Variants in IK observed in about 807,000 individuals in gnomAD.
IK encodes the protein IK cytokine, also known as protein Red.
Under a neutral mutation model 90.9 loss-of-function variants are expected in IK, and 47 were observed. The observed-to-expected ratio is 0.52, with a 90% CI of 0.41 to 0.66. The LOEUF (loss-of-function observed/expected upper bound fraction) is 0.66, where lower values mean the gene tolerates loss of function less well. IK is among the 30% of genes least tolerant of loss of function. IK has a pLI of 0.00. For missense variants in IK, 385 were observed against 709.3 expected (o/e 0.54, Z 5.19); for synonymous variants, 201 against 227.5 (o/e 0.88, Z 1.05).
chr5:140,651,817 G>C lies in IK; in HGVS notation c.176+11G>C, dbSNP rs767271386. On this transcript the variant is annotated intron_variant, in intron 3 of 19. Transcript: ENST00000417647. Reference sequence around the variant, plus strand: ...GTCACGTCACCATGAGTAAGTCTTTGGGTGATCCAACCTGTCTCCCAACTT... The same window carrying C: ...GTCACGTCACCATGAGTAAGTCTTTCGGTGATCCAACCTGTCTCCCAACTT... The C allele has an allele frequency of 1.3e-6, 2 of 1,545,514 alleles. No individual in the cohort carries two copies. The highest frequency in any genetic ancestry group is 2.2e-5 in the South Asian group (2 of 89,280).
intron 10 of IK, among the ~76,000 whole-genome samples, chr5:140,658,360 C>G (rs1189334895): frequency 6.6e-6 from 1 of 151,900 alleles, no homozygotes; most frequent in Non-Finnish European, 1.5e-5. Context: ...TTTTGTCGCC[C>G]AGGCTGGAGT....
Position 140,661,591 on chromosome 5 carries a change from C to T in IK, c.1414-29C>T, listed in dbSNP as rs1414270663. 2.7e-6 allele frequency: 4 copies of T among 1,502,928 alleles called. No individual in the cohort carries two copies. Among genetic ancestry groups the T allele is most frequent in the Non-Finnish European group, 3.7e-6 (4 of 1,093,310 alleles). The allele number at this position is 1,502,928 out of a possible 1,614,324, so 93.1% of individuals were successfully genotyped here. A position where few individuals can be genotyped will look rare whatever the true frequency, so the allele number is the denominator to read the frequency against. On this transcript the variant is annotated intron_variant, in intron 16 of 19. Coordinates refer to ENST00000417647, the MANE Select transcript of IK (RefSeq NM_006083.4). The surrounding 1 kb of genome is among the most constrained non-coding windows in gnomAD (Gnocchi z 4.2). ...CCATTTCCACTGACATCTCTTCCTT[C>T]CCCATCCCCCGATTCTGTCCTGCAA...
chr5:140,650,128 AC>A (rs1472243419), intron 2 of IK, among the ~76,000 whole-genome samples: 2 of 151,856 alleles, frequency 1.3e-5, no homozygotes, highest in African/African-American at 4.8e-5. Flanking sequence ...CCACCGCTCC[AC>A]CCCCATACCT....
intron 8 of IK, among the ~76,000 whole-genome samples, chr5:140,655,013 G>A (rs1320228958): frequency 6.6e-6 from 1 of 151,688 alleles, no homozygotes; most frequent in African/African-American, 2.4e-5. Flanking sequence ...GGGGTTCTCT[G>A]TGTATTGCCC....
chr5:140,660,982 C>T, intron 16 of IK, 167 bp downstream of exon 16: 1 of 556,926 alleles, frequency 1.8e-6, no homozygotes, highest in East Asian at 2.9e-5. Flanking sequence ...TTAACTATTT[C>T]AGAGTCTTTG....
Position 140,652,079 on chromosome 5 carries a change from C to A in IK, c.177-9C>A. On this transcript the variant is annotated splice_polypyrimidine_tract_variant and intron_variant, in intron 3 of 19. Coordinates refer to ENST00000417647, the MANE Select transcript of IK (RefSeq NM_006083.4). ...ATTTTGCTATCAGTGAATTTCTCGTCTCTTCTAGGATGCCAAGGGAGTACA... is the reference window on the plus strand; with the variant it reads ...ATTTTGCTATCAGTGAATTTCTCGTATCTTCTAGGATGCCAAGGGAGTACA... The A allele has an allele frequency of 6.2e-7, 1 of 1,611,550 alleles. No homozygotes were observed. The highest frequency in any genetic ancestry group is 8.5e-7 in the Non-Finnish European group (1 of 1,177,862).
Position 140,662,340 on chromosome 5 carries a change from C to A in IK, c.*11C>A. The A allele has an allele frequency of 6.2e-7, 1 of 1,613,256 alleles. No homozygotes were observed. ...AGACCAAAATACTAATCACTAGTTA[C>A]AACCAGAGATGCTCCACAAGGATAT... is the stretch of plus-strand genomic sequence containing the variant. On this transcript the variant is annotated 3_prime_UTR_variant, in exon 20 of 20. Transcript: ENST00000417647.
Position 140,659,221 on chromosome 5 carries a change from G to A in IK, c.1176+57G>A, listed in dbSNP as rs1480215526. 3 of 1,608,514 alleles carry A rather than the reference G, an allele frequency of 1.9e-6. No homozygotes were observed. The East Asian group carries it at 6.7e-5, about 36-fold the overall frequency. ...GAGTTGCCCCTCTCTGGAAATGTGA[G>A]CAAGGTTGGGTAAGGAATTGTTTCA... is the stretch of plus-strand genomic sequence containing the variant. On this transcript the variant is annotated intron_variant, in intron 12 of 19. Transcript: ENST00000417647.
intron 4 of IK, among the ~76,000 whole-genome samples, 171 bp from the exon 5 acceptor site, chr5:140,652,806 G>C (rs1039525845): frequency 6.6e-6 from 1 of 152,182 alleles, no homozygotes; most frequent in African/African-American, 2.4e-5. Flanking sequence ...AGAAGTTGTA[G>C]TTCTGATTTT....
intron 3 of IK, 72 bp downstream of exon 3, chr5:140,651,878 G>C (rs1757622029): frequency 2.9e-6 from 3 of 1,045,796 alleles, no homozygotes; most frequent in Non-Finnish European, 4.5e-6. Flanking sequence ...CTACTAAGTA[G>C]AATGACTTTT....
intron 1 of IK, 116 bp downstream of exon 1, chr5:140,648,040 G>GTA (rs780978888): frequency 5.2e-6 from 4 of 763,154 alleles, no homozygotes; most frequent in Admixed American, 2.3e-5. Context: ...GTGTGTGTGT[G>GTA]TGTGTATGTA....
intron 10 of IK, among the ~76,000 whole-genome samples, chr5:140,658,169 C>A (rs143144180): frequency 6.6e-6 from 1 of 151,990 alleles, no homozygotes; most frequent in Admixed American, 6.6e-5. Flanking sequence ...CCACGCCTGG[C>A]TAATTTTTGT....
rs1161213175 is a variant in IK, at chr5:140,657,554, G to T, written c.802G>T (p.Ala268Ser). ...CATTCTTGTTTCTTGGTATTTTCAG[G>T]CCCAGACCACACTGACCACAAATGA... ...RSKADCPTME[A>S]QTTLTTNDIV... is the part of the protein sequence containing the mutation. Residue 268 changes from alanine (A) to serine (S), a missense_variant and splice_region_variant, in exon 10 of 20, where the codon GCC (alanine) becomes TCC (serine). Transcript: ENST00000417647. 1 of 1,601,204 alleles carries T rather than the reference G, an allele frequency of 6.2e-7. No individual in the cohort carries two copies. Among genetic ancestry groups the T allele is most frequent in the Admixed American group, 1.8e-5 (1 of 56,518 alleles).
rs774304232 is a variant in IK at position 140,659,351 on chromosome 5, C to T, written c.1195+18C>T. 1.9e-6 allele frequency: 3 copies of T among 1,613,818 alleles called. No homozygotes were observed. Among genetic ancestry groups the T allele is most frequent in the South Asian group, 2.2e-5 (2 of 91,090 alleles). On this transcript the variant is annotated intron_variant, in intron 13 of 19. Coordinates refer to ENST00000417647, the MANE Select transcript of IK (RefSeq NM_006083.4). The stretch of plus-strand genomic sequence containing the variant: ...TGACAAAGGTGAGTTGTACACACAG[C>T]ATCTCACAGTTGCTCTAGCAGTCCT...
At chr5:140,659,375 C>G (rs753056017) in intron 13 of IK, 42 bp downstream of exon 13, 62 of 1,610,522 alleles carry the variant, frequency 3.8e-5, no homozygotes, top group Admixed American at 5.0e-5. Context: ...TCTAGCAGTC[C>G]TGCTTTCCCC....
chr5:140,648,568 G>A, intron 2 of IK, 31 bp downstream of exon 2: 1 of 1,593,188 alleles, frequency 6.3e-7, no homozygotes, highest in Non-Finnish European at 8.6e-7. Flanking sequence ...CCATGGAAAT[G>A]AGTTGGGCAA....
chr5:140,660,869 A>G (rs375831958), intron 16 of IK, 54 bp downstream of exon 16: 89 of 1,348,864 alleles, frequency 6.6e-5, no homozygotes, highest in Admixed American at 4.2e-4. Flanking sequence ...TTTGTTTTAC[A>G]TGTATCTCCT....
At position 140,659,030 on chromosome 5, in the gene IK, C is replaced by T. The variant is rs773175710; in HGVS notation, c.1042C>T (p.Arg348Trp). 1.8e-4 allele frequency: 284 copies of T among 1,612,100 alleles called. No individual in the cohort carries two copies. The highest frequency in any genetic ancestry group is 2.3e-4 in the Non-Finnish European group (273 of 1,178,498). The change falls in exon 12 of 20, where the codon CGG (arginine) becomes TGG (tryptophan). Residue 348 changes from arginine (R) to tryptophan (W), a missense_variant. Arg to Trp is a moderately radical substitution (Grantham distance 101). Coordinates refer to ENST00000417647, the MANE Select transcript of IK (RefSeq NM_006083.4). ...RERYRERERD[R>W]ERDRDRDRER... ...GAGATATCGGGAACGGGAGCGTGAT[C>T]GGGAAAGAGACAGAGACCGTGACCG...
rs1386837407 is a variant in IK, at chr5:140,658,780, T to C, written c.950+4T>C. The C allele has an allele frequency of 5.0e-6, 8 of 1,611,298 alleles. No individual in the cohort carries two copies. The highest frequency in any genetic ancestry group is 5.9e-6 in the Non-Finnish European group (7 of 1,178,352). On this transcript the variant is annotated splice_donor_region_variant and intron_variant, in intron 11 of 19. Transcript: ENST00000417647. The stretch of plus-strand genomic sequence containing the variant: ...AACCTCCTGAGGCTGACATGAAGTA[T>C]GTATCCTAGCCCCTGGCATCTGATC...
Sources: allele counts gnomAD v4.1 joint callset (sites outside exome capture counted in the v4.1 genomes callset), GRCh38; gene constraint gnomAD v4.1.1; non-coding constraint Gnocchi (gnomAD v3.1); transcripts MANE v1.5; gene names NCBI Gene and HGNC (gene_info 2026-07-23, HGNC 2026-07-21).